CCDC136: variants seen among roughly 807,000 people sequenced by gnomAD.
CCDC136 encodes the protein coiled-coil domain-containing protein 136.
Under a neutral mutation model 141.2 loss-of-function variants are expected in CCDC136, and 100 were observed. The ratio of observed to expected loss-of-function variants is 0.71; its 90% CI spans 0.60 to 0.84. The LOEUF (loss-of-function observed/expected upper bound fraction) is 0.84, where lower values mean the gene tolerates loss of function less well. CCDC136 is among the 40% of genes least tolerant of loss of function. The pLI is 0.00. For missense variants in CCDC136, 1,206 were observed against 1,379.4 expected (o/e 0.87, Z 1.99); for synonymous variants, 474 against 531.9 (o/e 0.89, Z 1.50).
At position 128,801,236 on chromosome 7, in the gene CCDC136, G is replaced by T. The variant is rs1404825073; in HGVS notation, c.397G>T (p.Glu133Ter). Reference sequence around the variant, plus strand: ...GATTTCCCTGTTAGAGCATGAGAAAGAAAGCGAACTTAAGGAAATAGAACA... The same window carrying T: ...GATTTCCCTGTTAGAGCATGAGAAATAAAGCGAACTTAAGGAAATAGAACA... Reference protein sequence around the residue: ...EEISLLEHEKESELKEIEQEL... With the variant: ...EEISLLEHEK The change falls in exon 4 of 18, where the codon GAA (glutamate) becomes TAA (stop). Residue 133 changes from glutamate to a stop codon, truncating the protein, a stop_gained. Coordinates refer to ENST00000297788, the MANE Select transcript of CCDC136 (RefSeq NM_022742.5). LOFTEE classifies it high-confidence loss of function. 1 of 1,613,830 alleles carries T rather than the reference G, an allele frequency of 6.2e-7. No homozygotes were observed. Among genetic ancestry groups the T allele is most frequent in the Non-Finnish European group, 8.5e-7 (1 of 1,179,872 alleles).
chr7:128,794,481 A>T lies in CCDC136; in HGVS notation c.150A>T (p.Gly50=), dbSNP rs1334637534. The T allele has an allele frequency of 1.9e-6, 3 of 1,552,174 alleles. No individual in the cohort carries two copies. The highest frequency in any genetic ancestry group is 1.7e-6 in the Non-Finnish European group (2 of 1,147,186). The change falls in exon 2 of 18, where the codon GGA becomes GGT. Residue 50 remains glycine (G), a synonymous_variant. Transcript: ENST00000297788. The surrounding 1 kb of genome is among the most constrained non-coding windows in gnomAD (Gnocchi z 4.3). The part of the protein sequence containing the change: ...VGSLSVNKHR[G]LSLTETELEE... ...CTCTGTCAGTCAACAAGCACCGGGG[A>T]CTGAGCCTCACGGAGACAGAGCTGG... is the stretch of plus-strand genomic sequence containing the variant.
intron 3 of CCDC136, among the ~76,000 whole-genome samples, chr7:128,799,172 TAAA>T (rs35342890): frequency 1.9e-5 from 1 of 51,326 alleles, no homozygotes. Flanking sequence ...ATCTCTACAT[TAAA>T]AAAAAAAAAA....
At chr7:128,798,646 C>G (rs920479665) in intron 3 of CCDC136, among the ~76,000 whole-genome samples, 1 of 152,092 alleles carries the variant, frequency 6.6e-6, no homozygotes, top group Non-Finnish European at 1.5e-5. Flanking sequence ...GTCTGTTTCT[C>G]CAGAACACCC....
In CCDC136 at chr7:128,797,034, C is replaced by A. The variant is rs537210185; in HGVS notation, c.346+2266C>A. On this transcript the variant is annotated intron_variant, in intron 3 of 17. Coordinates refer to ENST00000297788, the MANE Select transcript of CCDC136 (RefSeq NM_022742.5). The stretch of plus-strand genomic sequence containing the variant: ...GGGATTACAGGCGTGAGCCACCGCG[C>A]CCGGCCCAGAATATATTTTGAAGGT... 7.2e-5 allele frequency among the ~76,000 whole-genome samples: 11 copies of A among 152,216 alleles called. No individual in the cohort carries two copies. The East Asian group carries it at 7.7e-4, about 11-fold the overall frequency.
chr7:128,809,046 G>A, intron 10 of CCDC136: 1 of 878,674 alleles, frequency 1.1e-6, no homozygotes, highest in Non-Finnish European at 1.4e-6. Context: ...GAGTGTAGTT[G>A]CATTAAAAAA....
upstream of CCDC136, chr7:128,791,305 G>C: frequency 5.7e-6 from 2 of 352,356 alleles, no homozygotes; most frequent in East Asian, 8.9e-5. The surrounding 1 kb of genome is among the most constrained non-coding windows in gnomAD (Gnocchi z 7.1). Context: ...CCCCTGCACG[G>C]GCTCGGAGCT....
chr7:128,814,508 C>A, intron 14 of CCDC136, 130 bp from the exon 15 acceptor site: 1 of 599,348 alleles, frequency 1.7e-6, no homozygotes, highest in Non-Finnish European at 2.8e-6. Context: ...TTATTGTCTA[C>A]TTCCTATGGG....
chr7:128,809,612 C>T lies in CCDC136; in HGVS notation c.1768C>T (p.Leu590=). Residue 590 remains leucine (L), a synonymous_variant, in exon 11 of 18, where the codon CTG becomes TTG. Transcript: ENST00000297788. ...QLQEELHRLT[L]PLPKSGLLLK... Reference sequence around the variant, plus strand: ...GCAGGAAGAGCTGCACAGGCTCACACTGCCACTGCCAAAGAGTGGCCTCTT... The same window carrying T: ...GCAGGAAGAGCTGCACAGGCTCACATTGCCACTGCCAAAGAGTGGCCTCTT... The T allele has an allele frequency of 6.4e-7, 1 of 1,552,620 alleles. No individual in the cohort carries two copies. Among genetic ancestry groups the T allele is most frequent in the Non-Finnish European group, 8.7e-7 (1 of 1,148,896 alleles).
chr7:128,801,562 T>C (rs933328448), intron 4 of CCDC136, 53 bp downstream of exon 4: 2 of 1,254,912 alleles, frequency 1.6e-6, no homozygotes, highest in Non-Finnish European at 1.1e-6. Flanking sequence ...AAGGAGATAA[T>C]ATATAGGAAA....
rs377037705 is a variant in CCDC136 at position 128,792,226 on chromosome 7, C to T, written c.-186C>T. The stretch of plus-strand genomic sequence containing the variant: ...ACTGGGATTACAGATCCCAGAGCCT[C>T]GAGGAGCTGGAAGACATGTCCCCTT... On this transcript the variant is annotated 5_prime_UTR_variant, in exon 1 of 18. Transcript: ENST00000297788. The T allele has an allele frequency of 6.8e-5, 102 of 1,508,020 alleles. 3 individuals carry two copies. The highest frequency in any genetic ancestry group is 3.0e-4 in the East Asian group (12 of 40,294). The allele number at this position is 1,508,020 out of a possible 1,614,324, so 93.4% of individuals were successfully genotyped here. A position where few individuals can be genotyped will look rare whatever the true frequency, so the allele number is the denominator to read the frequency against.
chr7:128,820,230 G>T lies in CCDC136; in HGVS notation c.*6-1569G>T, dbSNP rs544609183. ...TGGGGTTCTTTTATTCAGCTCATTG[G>T]TCACTTACCTGCCATTCAACAAACT... On this transcript the variant is annotated intron_variant, in intron 17 of 17. Coordinates refer to ENST00000297788, the MANE Select transcript of CCDC136 (RefSeq NM_022742.5). Among the ~76,000 whole-genome samples, 131 of 152,208 alleles carry T rather than the reference G, an allele frequency of 8.6e-4. 1 individual carries two copies. The highest frequency in any genetic ancestry group is 3.1e-3 in the African/African-American group (127 of 41,536).
At position 128,814,854 on chromosome 7, in the gene CCDC136, G is replaced by A. The variant is rs1806342105; in HGVS notation, c.2980G>A (p.Val994Ile). The change falls in exon 15 of 18, where the codon GTT becomes ATT. Residue 994 changes from valine (V) to isoleucine (I), a missense_variant. By Grantham distance (29) the Val-to-Ile change is conservative. Transcript: ENST00000297788. ...NKNMNKNANG[V>I]KMKKVTKPCS... is the part of the protein sequence containing the mutation. ...GAACATGAACAAGAATGCCAATGGGGTTAAAATGAAAAAGGTGACCAAGCC... is the reference window on the plus strand; with the variant it reads ...GAACATGAACAAGAATGCCAATGGGATTAAAATGAAAAAGGTGACCAAGCC... The A allele has an allele frequency of 1.2e-6, 2 of 1,608,618 alleles. No homozygotes were observed. The highest frequency in any genetic ancestry group is 2.2e-5 in the South Asian group (2 of 89,804).
At chr7:128,806,967 A>C in intron 9 of CCDC136, 109 bp downstream of exon 9, 1 of 1,160,422 alleles carries the variant, frequency 8.6e-7, no homozygotes, top group Non-Finnish European at 1.2e-6. Flanking sequence ...GCTGGCAGTG[A>C]GGGGGCCAAA....
At chr7:128,806,177 C>G in intron 7 of CCDC136, 60 bp from the exon 8 acceptor site, 2 of 1,426,654 alleles carry the variant, frequency 1.4e-6, no homozygotes, top group Non-Finnish European at 9.4e-7. Context: ...CCAACTGATC[C>G]GTAGAAAGAC....
Position 128,817,989 on chromosome 7 carries a change from C to A in CCDC136, c.*5+125C>A. On this transcript the variant is annotated intron_variant, in intron 17 of 17. Coordinates refer to ENST00000297788, the MANE Select transcript of CCDC136 (RefSeq NM_022742.5). The surrounding 1 kb of genome is among the most constrained non-coding windows in gnomAD (Gnocchi z 4.6). ...TTGTGCCATTTTATAATAGGTGATG[C>A]TCAGGTCTGAGTTTTAGTTCTGACT... is the stretch of plus-strand genomic sequence containing the variant. 1 of 721,802 alleles carries A rather than the reference C, an allele frequency of 1.4e-6. No homozygotes were observed. Among genetic ancestry groups the A allele is most frequent in the Non-Finnish European group, 2.4e-6 (1 of 412,440 alleles). 44.7% of individuals were successfully genotyped at this position (721,802 alleles called of 1,614,324 possible).
Position 128,806,563 on chromosome 7 carries a change from G to A in CCDC136, c.1249-125G>A, listed in dbSNP as rs1439389062. 3.7e-6 allele frequency: 4 copies of A among 1,071,146 alleles called. No individual in the cohort carries two copies. In the East Asian group the frequency reaches 1.0e-4, roughly 28 times the overall value. 66.4% of individuals were successfully genotyped at this position (1,071,146 alleles called of 1,614,324 possible). The stretch of plus-strand genomic sequence containing the variant: ...GCTCGAGTACTACATTAGATATGAG[G>A]ACATTAGGAAGTGAAGGGCAGGAAG... On this transcript the variant is annotated intron_variant, in intron 8 of 17. Coordinates refer to ENST00000297788, the MANE Select transcript of CCDC136 (RefSeq NM_022742.5).
Position 128,794,261 on chromosome 7 carries a change from C to T in CCDC136, c.17-87C>T, listed in dbSNP as rs1249681569. The T allele has an allele frequency of 6.5e-7, 1 of 1,539,196 alleles. No homozygotes were observed. The highest frequency in any genetic ancestry group is 2.4e-5 in the East Asian group (1 of 40,874). On this transcript the variant is annotated intron_variant, in intron 1 of 17. Transcript: ENST00000297788. This position sits in a 1 kb window ranked among gnomAD's most constrained non-coding sequence, Gnocchi z 4.3. ...AGGTGGCACTAGTATGTCATCTCTG[C>T]CCTGGCATAGTGAGTTTGAGGGCCC...
chr7:128,794,810 G>A lies in CCDC136; in HGVS notation c.346+42G>A. The A allele has an allele frequency of 6.8e-7, 1 of 1,479,740 alleles. No individual in the cohort carries two copies. Among genetic ancestry groups the A allele is most frequent in the East Asian group, 2.5e-5 (1 of 40,590 alleles). 91.7% of individuals were successfully genotyped at this position (1,479,740 alleles called of 1,614,324 possible). A position where few individuals can be genotyped will look rare whatever the true frequency, so the allele number is the denominator to read the frequency against. On this transcript the variant is annotated intron_variant, in intron 3 of 17. Transcript: ENST00000297788. The surrounding 1 kb of genome is among the most constrained non-coding windows in gnomAD (Gnocchi z 4.3). ...GGACTGGAGGGAGGTGGCCATCCAA[G>A]TGGTCACCTAAGTACTTTTTTCCTG...
Position 128,809,429 on chromosome 7 carries a change from CACACCCG to C in CCDC136, c.1606-20_1606-14del. 1 of 1,417,062 alleles carries C rather than the reference CACACCCG, an allele frequency of 7.1e-7. No individual in the cohort carries two copies. The highest frequency in any genetic ancestry group is 9.7e-7 in the Non-Finnish European group (1 of 1,031,932). 87.8% of individuals were successfully genotyped at this position (1,417,062 alleles called of 1,614,324 possible). A position where few individuals can be genotyped will look rare whatever the true frequency, so the allele number is the denominator to read the frequency against. On this transcript the variant is annotated splice_polypyrimidine_tract_variant and intron_variant, in intron 10 of 17. Coordinates refer to ENST00000297788, the MANE Select transcript of CCDC136 (RefSeq NM_022742.5). Reference sequence around the variant, plus strand: ...TACCTTACAGAGTAACCACCCCCTCCACACCCGCCCCCACCCACAGTGTGACACACTG... The same window carrying C: ...TACCTTACAGAGTAACCACCCCCTCCCCCCCACCCACAGTGTGACACACTG...
Sources: gnomAD v4.1 joint callset for allele counts (sites outside exome capture counted in the v4.1 genomes callset) on GRCh38, gnomAD v4.1.1 for gene constraint, Gnocchi (gnomAD v3.1) non-coding constraint, MANE v1.5 for transcripts, NCBI Gene and HGNC (gene_info 2026-07-23, HGNC 2026-07-21) for gene names.